Variants in ZNF467 observed in about 807,000 individuals in gnomAD.
ZNF467 encodes the protein zinc finger protein 467.
ZNF467 carries 51 observed loss-of-function variants against 47.8 expected under a neutral mutation model. That is an observed-to-expected ratio of 1.07 (90% CI 0.85 to 1.35). ZNF467 has a LOEUF of 1.35. Among genes scored for constraint, ZNF467 ranks in the 40% most tolerant of loss-of-function variants. ZNF467 has a pLI of 0.00. For synonymous variants in ZNF467, 416 were observed against 372.9 expected, an observed-to-expected ratio of 1.12 and a Z score of -1.33; for missense variants, 992 against 858.1, an observed-to-expected ratio of 1.16 and a Z score of -1.95.
chr7:149,773,170 C>T lies in ZNF467; in HGVS notation c.-105G>A, dbSNP rs1799482000. On this transcript the variant is annotated 5_prime_UTR_variant, in exon 1 of 5. Transcript: ENST00000302017. The stretch of plus-strand genomic sequence containing the variant: ...CAGGCGCCCGGGCCTCCTGCCCCGC[C>T]GGCTCTGCTCACAATGGCGCTCGCC... 1 of 150,848 alleles carries T rather than the reference C, an allele frequency of 6.6e-6. No homozygotes were observed. Among genetic ancestry groups the T allele is most frequent in the Non-Finnish European group, 1.5e-5 (1 of 67,726 alleles). The allele number at this position is 150,848 out of a possible 1,614,324, so 9.3% of individuals were successfully genotyped here. A position where few individuals can be genotyped will look rare whatever the true frequency, so the allele number is the denominator to read the frequency against.
rs752482975 is a variant in ZNF467, at chr7:149,765,541, C to T, written c.961G>A (p.Val321Met). ...CTGGCCGGGCCGGCCGTCTGGTGCA[C>T]CCTTTGGTGCCGCACCAAGTGCTGC... ...HKQHLVRHQR[V>M]HQTAGPARPS... Residue 321 changes from valine to methionine, a missense_variant, in exon 5 of 5, where the codon GTG becomes ATG. Coordinates refer to ENST00000302017, the MANE Select transcript of ZNF467 (RefSeq NM_207336.3). 2 of 1,580,902 alleles carry T rather than the reference C, an allele frequency of 1.3e-6. No individual in the cohort carries two copies. The highest frequency in any genetic ancestry group is 2.7e-5 in the African/African-American group (2 of 74,502).
chr7:149,772,884 C>T (rs1488460968), intron 1 of ZNF467, among the ~76,000 whole-genome samples: 2 of 127,744 alleles, frequency 1.6e-5, no homozygotes, highest in Non-Finnish European at 3.3e-5. Flanking sequence ...CCCTCCAGCC[C>T]CCCCGGTCTC....
chr7:149,769,239 T>A lies in ZNF467; in HGVS notation c.152-39A>T, dbSNP rs1170719136. 6.6e-7 allele frequency: 1 copy of A among 1,512,252 alleles called. No homozygotes were observed. Among genetic ancestry groups the A allele is most frequent in the South Asian group, 1.3e-5 (1 of 78,922 alleles). 93.7% of individuals were successfully genotyped at this position (1,512,252 alleles called of 1,614,324 possible). On this transcript the variant is annotated intron_variant, in intron 3 of 4. Coordinates refer to ENST00000302017, the MANE Select transcript of ZNF467 (RefSeq NM_207336.3). This position sits in a 1 kb window ranked among gnomAD's most constrained non-coding sequence, Gnocchi z 5.3. ...GGATACCTCAAGGACTCTGGAGACA[T>A]CACAGATGGCCAAAGGGCCCCACTG...
upstream of ZNF467, chr7:149,775,891 C>G: frequency 2.0e-6 from 1 of 504,114 alleles, no homozygotes; most frequent in South Asian, 1.7e-5. Flanking sequence ...GGAATAAAGC[C>G]CCCCACAGCC....
At position 149,764,776 on chromosome 7, in the gene ZNF467, C is replaced by T. The variant is rs1224395925; in HGVS notation, c.1726G>A (p.Ala576Thr). 6.6e-6 allele frequency: 10 copies of T among 1,524,176 alleles called. No homozygotes were observed. In the African/African-American group the frequency reaches 1.1e-4, roughly 17 times the overall value. 94.4% of individuals were successfully genotyped at this position (1,524,176 alleles called of 1,614,324 possible). ...GEAAHAAPDAALAAPAWSAPP... is the reference protein window; with the variant it reads ...GEAAHAAPDATLAAPAWSAPP... ...GCGGACCAGGCTGGGGCCGCAAGGGCGGCGTCCGGGGCCGCGTGGGCGGCT... is the reference window on the plus strand; with the variant it reads ...GCGGACCAGGCTGGGGCCGCAAGGGTGGCGTCCGGGGCCGCGTGGGCGGCT... Residue 576 changes from alanine (A) to threonine (T), a missense_variant, in exon 5 of 5, where the codon GCC (alanine) becomes ACC (threonine). Coordinates refer to ENST00000302017, the MANE Select transcript of ZNF467 (RefSeq NM_207336.3).
chr7:149,775,009 G>C (rs370606690), upstream of ZNF467, among the ~76,000 whole-genome samples: 1 of 152,190 alleles, frequency 6.6e-6, no homozygotes, highest in African/African-American at 2.4e-5. Flanking sequence ...GGGTGTCCGG[G>C]TGTGCTCAGA....
At chr7:149,768,601 T>C (rs148937527) in intron 4 of ZNF467, among the ~76,000 whole-genome samples, 6 of 152,160 alleles carry the variant, frequency 3.9e-5, no homozygotes, top group African/African-American at 1.4e-4. Flanking sequence ...AAGGAAGTCA[T>C]GGTGGGATTG....
At chr7:149,772,908 GCCCTCA>G (rs1446073429) in intron 1 of ZNF467, among the ~76,000 whole-genome samples, 194 bp downstream of exon 1, 9 of 110,452 alleles carry the variant, frequency 8.1e-5, no homozygotes, top group African/African-American at 2.8e-4. Context: ...TACCCCCACA[GCCCTCA>G]CCCTGCCCGC....
chr7:149,766,041 G>A lies in ZNF467; in HGVS notation c.461C>T (p.Pro154Leu), dbSNP rs1415990604. Reference sequence around the variant, plus strand: ...GCAGCCGTAGGGCTTCTCCGGCATCGGACCCCACCCAGACAGCGCGAGCCC... The same window carrying A: ...GCAGCCGTAGGGCTTCTCCGGCATCAGACCCCACCCAGACAGCGCGAGCCC... ...LSGLALSGWG[P>L]MPEKPYGCGE... The change falls in exon 5 of 5, where the codon CCG becomes CTG. Residue 154 changes from proline to leucine, a missense_variant. Transcript: ENST00000302017. 6.3e-7 allele frequency: 1 copy of A among 1,598,590 alleles called. No individual in the cohort carries two copies. The highest frequency in any genetic ancestry group is 8.5e-7 in the Non-Finnish European group (1 of 1,172,384).
Position 149,770,480 on chromosome 7 carries a change from C to T in ZNF467, c.111G>A (p.Met37Ile), listed in dbSNP as rs1799365492. The T allele has an allele frequency of 1.2e-6, 2 of 1,613,792 alleles. No homozygotes were observed. Among genetic ancestry groups the T allele is most frequent in the South Asian group, 1.1e-5 (1 of 91,046 alleles). ...GTGCTCTCTCTTCCCTAGAAGAGGACATCTGCTCCTGGGCATTATGGGATC... is the reference window on the plus strand; with the variant it reads ...GTGCTCTCTCTTCCCTAGAAGAGGATATCTGCTCCTGGGCATTATGGGATC... ...REGSHNAQEQMSSSREERALG... is the reference protein window; with the variant it reads ...REGSHNAQEQISSSREERALG... The change falls in exon 3 of 5, where the codon ATG becomes ATA. Residue 37 changes from methionine to isoleucine, a missense_variant. By Grantham distance (10) the Met-to-Ile change is conservative. Transcript: ENST00000302017.
At chr7:149,774,713 G>A (rs905551490), upstream of ZNF467, among the ~76,000 whole-genome samples, 2 of 152,178 alleles carry the variant, frequency 1.3e-5, no homozygotes, top group African/African-American at 4.8e-5. The surrounding 1 kb of genome is among the most constrained non-coding windows in gnomAD (Gnocchi z 5.7). Flanking sequence ...GTGTGCATGT[G>A]TGTAAAACAG....
rs1446480335 is a variant in ZNF467, at chr7:149,765,923, G to A, written c.579C>T (p.Cys193=). ...GGGCGCGCTGCGTGAAGCTGCGGCC[G>A]CAGTCCGGGCAGGCGCAGGGGCCCT... is the stretch of plus-strand genomic sequence containing the variant. ...RGEGPCACPD[C]GRSFTQRAHM... is the part of the protein sequence containing the mutation. Residue 193 remains cysteine (C), a synonymous_variant, in exon 5 of 5, where the codon TGC becomes TGT. Transcript: ENST00000302017. 1 of 1,556,514 alleles carries A rather than the reference G, an allele frequency of 6.4e-7. No individual in the cohort carries two copies. Among genetic ancestry groups the A allele is most frequent in the Non-Finnish European group, 8.7e-7 (1 of 1,151,532 alleles).
At chr7:149,776,273 G>T, upstream of ZNF467, 1 of 1,266,620 alleles carries the variant, frequency 7.9e-7, no homozygotes, top group South Asian at 1.3e-5. Context: ...ACCCCTGGGA[G>T]TGGTGTCATA....
At chr7:149,772,599 C>G (rs1799458012) in intron 1 of ZNF467, among the ~76,000 whole-genome samples, 1 of 148,462 alleles carries the variant, frequency 6.7e-6, no homozygotes, top group Non-Finnish European at 1.5e-5. Flanking sequence ...GTTTTCCTCC[C>G]GACGGGACCC....
intron 1 of ZNF467, among the ~76,000 whole-genome samples, chr7:149,771,832 G>A (rs1799420938): frequency 7.6e-6 from 1 of 130,848 alleles, no homozygotes; most frequent in Non-Finnish European, 1.6e-5. Context: ...CCTCGGCTCC[G>A]CCCCCGGCCC....
chr7:149,771,424 G>T (rs73725600), intron 1 of ZNF467, among the ~76,000 whole-genome samples: 4,009 of 152,266 alleles, frequency 0.026, 170 homozygotes, highest in African/African-American at 0.087. Flanking sequence ...CTGGGGAGAG[G>T]CTTGAGGGTG....
chr7:149,775,891 C>A (rs1170335472), upstream of ZNF467: 3 of 504,010 alleles, frequency 6.0e-6, no homozygotes, highest in African/African-American at 2.1e-5. Context: ...GGAATAAAGC[C>A]CCCCACAGCC....
At position 149,765,273 on chromosome 7, in the gene ZNF467, G is replaced by A. The variant is rs1178916325; in HGVS notation, c.1229C>T (p.Pro410Leu). 2.1e-6 allele frequency: 3 copies of A among 1,459,170 alleles called. No individual in the cohort carries two copies. The highest frequency in any genetic ancestry group is 2.3e-4 in the Middle Eastern group (1 of 4,358). 90.4% of individuals were successfully genotyped at this position (1,459,170 alleles called of 1,614,324 possible). ...AKPLASAPGG[P>L]GCGPGSDPVV... is the part of the protein sequence containing the mutation. ...GGGATCGGATCCTGGGCCGCAGCCC[G>A]GTCCGCCAGGCGCGCTGGCCAGGGG... The change falls in exon 5 of 5, where the codon CCG becomes CTG. Residue 410 changes from proline (P) to leucine (L), a missense_variant. Coordinates refer to ENST00000302017, the MANE Select transcript of ZNF467 (RefSeq NM_207336.3).
upstream of ZNF467, among the ~76,000 whole-genome samples, chr7:149,774,725 A>T (rs1203876723): frequency 6.6e-6 from 1 of 152,040 alleles, no homozygotes; most frequent in African/African-American, 2.4e-5. This position sits in a 1 kb window ranked among gnomAD's most constrained non-coding sequence, Gnocchi z 5.7. Context: ...GTAAAACAGG[A>T]AAGGGGGGTG....
Sources: gnomAD v4.1 joint callset for allele counts (sites outside exome capture counted in the v4.1 genomes callset) on GRCh38, gnomAD v4.1.1 for gene constraint, Gnocchi (gnomAD v3.1) non-coding constraint, MANE v1.5 for transcripts, NCBI Gene and HGNC (gene_info 2026-07-23, HGNC 2026-07-21) for gene names.